Variants in IQGAP2 observed in about 807,000 individuals in gnomAD.
IQGAP2 encodes ras GTPase-activating-like protein IQGAP2.
IQGAP2 carries 173 observed loss-of-function variants against 201.3 expected under a neutral mutation model. The ratio of observed to expected loss-of-function variants is 0.86; its 90% CI spans 0.76 to 0.98. The LOEUF is 0.98. Among genes scored for constraint, IQGAP2 ranks in the 50% least tolerant of loss-of-function variants. The pLI, the probability that IQGAP2 is intolerant of heterozygous loss-of-function variation, is 0.00. For missense variants in IQGAP2, 1,687 were observed against 1,864.8 expected (o/e 0.90, Z 1.76); for synonymous variants, 675 against 673.9 (o/e 1.00, Z -0.03).
At chr5:76,674,372 C>A in intron 26 of IQGAP2, 105 bp from the exon 27 acceptor site, 1 of 662,718 alleles carries the variant, frequency 1.5e-6, no homozygotes, top group South Asian at 2.1e-5. Context: ...GATCTGCTTT[C>A]TCTTGGGAAA....
At chr5:76,617,719 A>T (rs969191202) in intron 13 of IQGAP2, 1 of 1,614,046 alleles carries the variant, frequency 6.2e-7, no homozygotes, top group Non-Finnish European at 8.5e-7. Context: ...GTGTTGTTGT[A>T]GTAGTAGTTA....
chr5:76,691,050 A>G (rs1746215119), intron 30 of IQGAP2, among the ~76,000 whole-genome samples: 1 of 152,246 alleles, frequency 6.6e-6, no homozygotes, highest in African/African-American at 2.4e-5. Flanking sequence ...CATGGCTAAT[A>G]TGCAACAAGA....
intron 2 of IQGAP2, among the ~76,000 whole-genome samples, chr5:76,557,832 A>T (rs1352738102): frequency 6.6e-6 from 1 of 152,128 alleles, no homozygotes; most frequent in Admixed American, 6.5e-5. Flanking sequence ...TTTGAGACAG[A>T]GTCTCACTCT....
intron 30 of IQGAP2, among the ~76,000 whole-genome samples, chr5:76,685,098 C>T (rs956772414): frequency 3.3e-5 from 5 of 152,104 alleles, no homozygotes; most frequent in East Asian, 1.9e-4. Context: ...ACAGTAGGAC[C>T]GCAACCAAGT....
chr5:76,702,455 C>A, intron 34 of IQGAP2, 27 bp from the exon 35 acceptor site: 1 of 1,020,160 alleles, frequency 9.8e-7, no homozygotes, highest in South Asian at 1.3e-5. Flanking sequence ...TGTAATTTCT[C>A]ATGTATGAAT....
chr5:76,532,294 G>C (rs577467002), intron 2 of IQGAP2, among the ~76,000 whole-genome samples: 15 of 152,224 alleles, frequency 9.9e-5, no homozygotes, highest in African/African-American at 3.6e-4. Context: ...ATTGCTTGAG[G>C]CTAGGAGTTT....
Position 76,409,203 on chromosome 5 carries a change from A to T in IQGAP2, c.46+5612A>T, listed in dbSNP as rs912279281. ...ATGCATAAAGTTGATTTTGCTGCTGAATTTTTTCCTCCCAAGAAACAGCAT... is the reference window on the plus strand; with the variant it reads ...ATGCATAAAGTTGATTTTGCTGCTGTATTTTTTCCTCCCAAGAAACAGCAT... On this transcript the variant is annotated intron_variant, in intron 1 of 35. Transcript: ENST00000274364. Among the ~76,000 whole-genome samples, 6 of 149,002 alleles carry T rather than the reference A, an allele frequency of 4.0e-5. No individual in the cohort carries two copies. In the South Asian group the frequency reaches 1.3e-3, roughly 31 times the overall value.
At chr5:76,557,502 C>T (rs1000621381) in intron 2 of IQGAP2, among the ~76,000 whole-genome samples, 1 of 152,176 alleles carries the variant, frequency 6.6e-6, no homozygotes, top group African/African-American at 2.4e-5. Context: ...AAAGAGGTAT[C>T]TCCATTGATG....
At chr5:76,619,197 A>G (rs1184037246) in intron 13 of IQGAP2, among the ~76,000 whole-genome samples, 1 of 152,186 alleles carries the variant, frequency 6.6e-6, no homozygotes, top group African/African-American at 2.4e-5. Context: ...ATCCATTTCT[A>G]TCTGTAAGTA....
At chr5:76,560,830 A>G (rs1003620774) in intron 2 of IQGAP2, among the ~76,000 whole-genome samples, 12 of 152,308 alleles carry the variant, frequency 7.9e-5, no homozygotes, top group African/African-American at 2.9e-4. Flanking sequence ...AAATATGTTC[A>G]AAGACCCTCA....
At chr5:76,618,798 AT>A (rs1430850282) in intron 13 of IQGAP2, among the ~76,000 whole-genome samples, 6 of 152,216 alleles carry the variant, frequency 3.9e-5, no homozygotes, top group African/African-American at 1.4e-4. Context: ...CATATATTTA[AT>A]ACATATCATA....
rs57526049 is a variant in IQGAP2, at chr5:76,529,629, G to GAATAATAAT, written c.147-32727_147-32719dup. 5.0e-3 allele frequency among the ~76,000 whole-genome samples: 689 copies of GAATAATAAT among 139,060 alleles called. 8 individuals carry two copies. The highest frequency in any genetic ancestry group is 0.021 in the East Asian group (93 of 4,452). 91.2% of individuals were successfully genotyped at this position (139,060 alleles called of 152,430 possible). A position where few individuals can be genotyped will look rare whatever the true frequency, so the allele number is the denominator to read the frequency against. On this transcript the variant is annotated intron_variant, in intron 2 of 35. Transcript: ENST00000274364. ...GGTGACAGACCAAGACTCCCTCTCG[G>GAATAATAAT]AATAATAATAATAATAATAATAATA...
intron 2 of IQGAP2, among the ~76,000 whole-genome samples, chr5:76,521,292 T>A (rs1414570324): frequency 1.3e-5 from 2 of 152,234 alleles, no homozygotes; most frequent in African/African-American, 4.8e-5. Flanking sequence ...GCAGTGACTA[T>A]GTGTACCAAT....
intron 15 of IQGAP2, among the ~76,000 whole-genome samples, chr5:76,634,612 G>C (rs1015945215): frequency 1.1e-4 from 16 of 152,208 alleles, no homozygotes; most frequent in Non-Finnish European, 1.2e-4. Flanking sequence ...CTAGAAAGAA[G>C]AGCATCCCAA....
At chr5:76,551,868 A>C (rs182109643) in intron 2 of IQGAP2, among the ~76,000 whole-genome samples, 1,659 of 74,848 alleles carry the variant, frequency 0.022, 40 homozygotes, top group African/African-American at 0.079. Context: ...GGAGAGGGAG[A>C]CGGAGAGGGG....
chr5:76,431,677 G>C (rs1454355926), intron 1 of IQGAP2, among the ~76,000 whole-genome samples: 1 of 152,028 alleles, frequency 6.6e-6, no homozygotes, highest in Admixed American at 6.6e-5. Flanking sequence ...ATAAAAATTA[G>C]CCAAGCGTGG....
In IQGAP2 at chr5:76,599,493, G is replaced by A. The variant is rs755608988; in HGVS notation, c.1072-1319G>A. 4.6e-4 allele frequency among the ~76,000 whole-genome samples: 70 copies of A among 152,054 alleles called. 3 individuals carry two copies. The highest frequency in any genetic ancestry group is 2.0e-4 in the Admixed American group (3 of 15,260). On this transcript the variant is annotated intron_variant, in intron 10 of 35. Transcript: ENST00000274364. ...AACCAATTTAGGTATCCACGGACAG[G>A]TCACTGAAAGAGATAGAGGAGGTGA...
At chr5:76,469,190 T>C (rs1316547773) in intron 2 of IQGAP2, among the ~76,000 whole-genome samples, 2 of 152,154 alleles carry the variant, frequency 1.3e-5, no homozygotes, top group East Asian at 3.9e-4. Context: ...CAGTAAGTTA[T>C]GAAGCTGGGA....
intron 1 of IQGAP2, among the ~76,000 whole-genome samples, chr5:76,431,504 G>T (rs1182408415): frequency 6.6e-6 from 1 of 152,116 alleles, no homozygotes; most frequent in African/African-American, 2.4e-5. Flanking sequence ...TGTTTGGCAT[G>T]CTTTGTAGTT....
Sources: gnomAD v4.1 joint callset for allele counts (sites outside exome capture counted in the v4.1 genomes callset) on GRCh38, gnomAD v4.1.1 for gene constraint, MANE v1.5 for transcripts, NCBI Gene and HGNC (gene_info 2026-07-23, HGNC 2026-07-21) for gene names.